KDM4C: variants seen among roughly 807,000 people sequenced by gnomAD.
KDM4C encodes the protein lysine-specific demethylase 4C.
In KDM4C, 81 loss-of-function variants were observed where a neutral mutation model predicts 129.3. The ratio of observed to expected loss-of-function variants is 0.63; its 90% confidence interval spans 0.52 to 0.75. The LOEUF is 0.75. Ranked by LOEUF, KDM4C falls within the 30% of genes least tolerant of loss-of-function variation. The pLI, the probability that KDM4C is intolerant of heterozygous loss-of-function variation, is 0.00. For synonymous variants in KDM4C, 573 were observed against 456.1 expected (o/e 1.26, Z -3.26); for missense variants, 1,457 against 1,304.0 (o/e 1.12, Z -1.81).
intron 19 of KDM4C, among the ~76,000 whole-genome samples, chr9:7,149,109 A>G (rs998591308): frequency 6.6e-6 from 1 of 152,216 alleles, no homozygotes; most frequent in African/African-American, 2.4e-5. Flanking sequence ...TTGCATGCCC[A>G]TGCCGAGCCG....
chr9:6,880,436 C>T (rs1588898309), intron 6 of KDM4C, among the ~76,000 whole-genome samples: 1 of 152,042 alleles, frequency 6.6e-6, no homozygotes, highest in East Asian at 1.9e-4. Context: ...GGTATTGTTG[C>T]TGCATCTTGG....
chr9:6,728,518 A>T (rs1216562515), intron 1 of KDM4C, among the ~76,000 whole-genome samples: 1 of 151,422 alleles, frequency 6.6e-6, no homozygotes, highest in African/African-American at 2.4e-5. Context: ...CGGGCAAGCA[A>T]GACTCCTACT....
intron 15 of KDM4C, among the ~76,000 whole-genome samples, chr9:7,041,590 T>G (rs1828618426): frequency 6.6e-6 from 1 of 152,078 alleles, no homozygotes; most frequent in Admixed American, 6.6e-5. Flanking sequence ...GATTGTGTGC[T>G]AGACATTTTG....
intron 19 of KDM4C, among the ~76,000 whole-genome samples, chr9:7,130,413 A>T (rs1840490240): frequency 6.6e-6 from 1 of 152,198 alleles, no homozygotes; most frequent in South Asian, 2.1e-4. Context: ...GAAATCCTGC[A>T]AGTCTTTCCT....
intron 8 of KDM4C, among the ~76,000 whole-genome samples, chr9:6,911,984 T>G (rs973571418): frequency 3.3e-5 from 5 of 152,150 alleles, no homozygotes; most frequent in African/African-American, 1.2e-4. Flanking sequence ...GTGAGGTTTG[T>G]GAGGAAGGTG....
At chr9:6,889,793 G>C (rs11790744) in intron 7 of KDM4C, among the ~76,000 whole-genome samples, 1 of 152,118 alleles carries the variant, frequency 6.6e-6, no homozygotes, top group Admixed American at 6.5e-5. Context: ...AGGCTGATAC[G>C]TGAAGAGAAG....
intron 3 of KDM4C, among the ~76,000 whole-genome samples, chr9:6,814,388 ATTG>A (rs969365265): frequency 2.8e-4 from 43 of 152,102 alleles, no homozygotes; most frequent in African/African-American, 8.5e-4. Context: ...TTCTGCTTCT[ATTG>A]TTGTTTTCGT....
chr9:6,976,848 G>A lies in KDM4C; in HGVS notation c.922-4077G>A, dbSNP rs188220257. ...TTTTTTGGCATAAGTCATTTTTATC[G>A]GTAAATACATTTTTGGTGGCTACTG... is the stretch of plus-strand genomic sequence containing the variant. On this transcript the variant is annotated intron_variant, in intron 8 of 21. Transcript: ENST00000381309. Among the ~76,000 whole-genome samples the A allele has an allele frequency of 1.1e-4, 17 of 150,628 alleles. No homozygotes were observed. The East Asian group carries it at 3.3e-3, about 29-fold the overall frequency.
At chr9:7,077,252 CATTTGCATGGATCT>C in intron 17 of KDM4C, 1 of 982,836 alleles carries the variant, frequency 1.0e-6, no homozygotes. Flanking sequence ...TTAAAGATGC[CATTTGCATGGATCT>C]TGGATTAGTG....
intron 3 of KDM4C, 31 bp downstream of exon 3, chr9:6,805,805 C>A (rs2131023185): frequency 6.3e-7 from 1 of 1,577,440 alleles, no homozygotes; most frequent in East Asian, 2.3e-5. Flanking sequence ...ATTTCTGTTT[C>A]CTTCAAAGAT....
At chr9:6,760,460 T>TATATATATATATATATATAA (rs1189091893) in intron 1 of KDM4C, among the ~76,000 whole-genome samples, 14 of 150,406 alleles carry the variant, frequency 9.3e-5, no homozygotes, top group African/African-American at 3.4e-4. Flanking sequence ...TATATATATA[T>TATATATATATATATATATAA]ATATAATGTA....
intron 8 of KDM4C, among the ~76,000 whole-genome samples, chr9:6,904,838 ACGGCG>A (rs1818022004): frequency 6.6e-6 from 1 of 152,148 alleles, no homozygotes; most frequent in Admixed American, 6.5e-5. Flanking sequence ...AAGTAACTAA[ACGGCG>A]TTAGTCAACA....
At chr9:7,075,145 A>G (rs1032356519) in intron 17 of KDM4C, among the ~76,000 whole-genome samples, 1 of 152,182 alleles carries the variant, frequency 6.6e-6, no homozygotes, top group Non-Finnish European at 1.5e-5. Context: ...CAGTCAGACA[A>G]TTCTGCAGTC....
chr9:7,077,469 G>C (rs1025181998), intron 17 of KDM4C, among the ~76,000 whole-genome samples: 1 of 152,202 alleles, frequency 6.6e-6, no homozygotes, highest in Non-Finnish European at 1.5e-5. Flanking sequence ...CACTAGGCCA[G>C]ACATTGTCTA....
chr9:7,038,289 C>T (rs755375720), intron 15 of KDM4C, among the ~76,000 whole-genome samples: 3 of 152,066 alleles, frequency 2.0e-5, no homozygotes, highest in Admixed American at 6.5e-5. Flanking sequence ...TTCCAACACT[C>T]TCAAAATCTC....
At chr9:6,902,459 G>A (rs1349780774) in intron 8 of KDM4C, among the ~76,000 whole-genome samples, 1 of 152,136 alleles carries the variant, frequency 6.6e-6, no homozygotes, top group Non-Finnish European at 1.5e-5. Context: ...TGGAATTGTC[G>A]TTCTGTGTGG....
At chr9:7,003,057 G>T (rs1375106277) in intron 12 of KDM4C, among the ~76,000 whole-genome samples, 1 of 152,106 alleles carries the variant, frequency 6.6e-6, no homozygotes, top group Non-Finnish European at 1.5e-5. Flanking sequence ...GTAGAGACTG[G>T]ATTTCACCAT....
Position 6,758,963 on chromosome 9 carries a change from G to C in KDM4C, c.-18+760G>C, listed in dbSNP as rs1818840232. On this transcript the variant is annotated intron_variant, in intron 1 of 21. Transcript: ENST00000381309. This position sits in a 1 kb window ranked among gnomAD's most constrained non-coding sequence, Gnocchi z 4.6. ...CAGTAAAGCCAGCAGCCGGGATTCA[G>C]ATGCTTTCCGCGTGGACTTGATGCT... Among the ~76,000 whole-genome samples, 1 of 152,236 alleles carries C rather than the reference G, an allele frequency of 6.6e-6. No individual in the cohort carries two copies. Among genetic ancestry groups the C allele is most frequent in the South Asian group, 2.1e-4 (1 of 4,828 alleles).
In KDM4C at chr9:6,805,718, C is replaced by T. The variant is rs754947762; in HGVS notation, c.264C>T (p.Asn88=). 1.9e-6 allele frequency: 3 copies of T among 1,613,968 alleles called. No homozygotes were observed. Among genetic ancestry groups the T allele is most frequent in the Non-Finnish European group, 2.5e-6 (3 of 1,179,996 alleles). The change falls in exon 3 of 22, where the codon AAC becomes AAT. Residue 88 remains asparagine (N), a synonymous_variant. Transcript: ENST00000381309. ...AGTCAGGACTGTTCACTCAGTACAA[C>T]ATCCAGAAAAAAGCGATGACTGTGA... is the stretch of plus-strand genomic sequence containing the variant. The part of the protein sequence containing the change: ...TGQSGLFTQY[N]IQKKAMTVKE...
Sources: allele counts gnomAD v4.1 joint callset (sites outside exome capture counted in the v4.1 genomes callset), GRCh38; gene constraint gnomAD v4.1.1; non-coding constraint Gnocchi (gnomAD v3.1); transcripts MANE v1.5; gene names NCBI Gene and HGNC (gene_info 2026-07-23, HGNC 2026-07-21).